DLGAP1: variants seen among roughly 807,000 people sequenced by gnomAD.
DLGAP1 encodes the protein disks large-associated protein 1.
In DLGAP1, 11 loss-of-function variants were observed where a neutral mutation model predicts 90.8. The observed-to-expected ratio is 0.12, with a 90% CI of 0.08 to 0.20. The LOEUF (loss-of-function observed/expected upper bound fraction) is 0.20. Among genes scored for constraint, DLGAP1 ranks in the 10% least tolerant of loss-of-function variants. DLGAP1 has a pLI of 1.00. For synonymous variants in DLGAP1, 558 were observed against 540.7 expected (o/e 1.03, Z -0.44); for missense variants, 1,050 against 1,333.8 (o/e 0.79, Z 3.31).
chr18:4,004,400 G>A (rs555492550), intron 3 of DLGAP1, among the ~76,000 whole-genome samples: 1 of 152,002 alleles, frequency 6.6e-6, no homozygotes, highest in African/African-American at 2.4e-5. Flanking sequence ...TGCTCTCCGG[G>A]GAGTCCCTTC....
intron 5 of DLGAP1, among the ~76,000 whole-genome samples, chr18:3,748,885 G>C (rs1040565648): frequency 6.6e-6 from 1 of 152,060 alleles, no homozygotes; most frequent in African/African-American, 2.4e-5. Flanking sequence ...TTTATAATCC[G>C]TATAGAAATG....
chr18:3,968,123 G>T (rs1254348237), intron 3 of DLGAP1, among the ~76,000 whole-genome samples: 1 of 152,156 alleles, frequency 6.6e-6, no homozygotes, highest in Admixed American at 6.5e-5. Flanking sequence ...TTTTGATCAT[G>T]TTTAGATGAA....
chr18:4,254,381 A>G (rs559784125), intron 1 of DLGAP1, among the ~76,000 whole-genome samples: 10,663 of 152,258 alleles, frequency 0.07, 556 homozygotes, highest in African/African-American at 0.15. Flanking sequence ...GCCCAAAGAA[A>G]GTAAGTATCA....
At chr18:4,447,007 A>AAAAAT (rs2083683666) in intron 1 of DLGAP1, among the ~76,000 whole-genome samples, 1 of 152,362 alleles carries the variant, frequency 6.6e-6, no homozygotes, top group East Asian at 1.9e-4. Context: ...AAGATTGGCC[A>AAAAAT]AAAATAAAAT....
chr18:4,245,740 G>A (rs2078640705), intron 1 of DLGAP1, among the ~76,000 whole-genome samples: 1 of 152,174 alleles, frequency 6.6e-6, no homozygotes, highest in Non-Finnish European at 1.5e-5. Context: ...AGTAAGATTT[G>A]ATTTTTCTGC....
At chr18:4,177,954 C>T (rs1246574185) in intron 1 of DLGAP1, among the ~76,000 whole-genome samples, 1 of 151,858 alleles carries the variant, frequency 6.6e-6, no homozygotes, top group Non-Finnish European at 1.5e-5. Flanking sequence ...TTTATGGAGA[C>T]TAATTATTTT....
intron 1 of DLGAP1, among the ~76,000 whole-genome samples, chr18:4,446,135 T>C (rs2083660530): frequency 6.6e-6 from 1 of 152,026 alleles, no homozygotes; most frequent in Admixed American, 6.6e-5. Context: ...AAGAGATTAT[T>C]AGGAAATGAG....
At chr18:3,903,526 G>A (rs1042704208) in intron 3 of DLGAP1, among the ~76,000 whole-genome samples, 37 of 152,298 alleles carry the variant, frequency 2.4e-4, no homozygotes, top group African/African-American at 8.7e-4. Context: ...TGGGGAAAAT[G>A]GTCCTAGGGT....
At chr18:3,612,519 G>A (rs2057684959) in intron 7 of DLGAP1, among the ~76,000 whole-genome samples, 1 of 152,176 alleles carries the variant, frequency 6.6e-6, no homozygotes, top group Non-Finnish European at 1.5e-5. Flanking sequence ...GTGGTCAGAT[G>A]ATGCCATCCC....
intron 2 of DLGAP1, among the ~76,000 whole-genome samples, chr18:4,042,833 C>G (rs986286326): frequency 1.3e-5 from 2 of 152,148 alleles, no homozygotes; most frequent in Non-Finnish European, 2.9e-5. Context: ...TTAATAGTTT[C>G]CGTATTAAAA....
chr18:3,743,457 C>T (rs1331227907), intron 5 of DLGAP1, among the ~76,000 whole-genome samples: 1 of 151,812 alleles, frequency 6.6e-6, no homozygotes, highest in East Asian at 1.9e-4. Context: ...CGGGTTCATG[C>T]CATTCTCCTG....
At chr18:4,116,002 G>T (rs938860970) in intron 2 of DLGAP1, among the ~76,000 whole-genome samples, 5 of 151,862 alleles carry the variant, frequency 3.3e-5, no homozygotes, top group African/African-American at 1.2e-4. Flanking sequence ...TTCTTTTCTC[G>T]TGCAGATTCA....
At chr18:4,251,442 T>C (rs2078777193) in intron 1 of DLGAP1, among the ~76,000 whole-genome samples, 1 of 152,192 alleles carries the variant, frequency 6.6e-6, no homozygotes, top group Non-Finnish European at 1.5e-5. Flanking sequence ...TGCCTGTCTC[T>C]AGTAACCAAT....
chr18:3,885,818 A>T (rs2071297543), intron 3 of DLGAP1, among the ~76,000 whole-genome samples: 1 of 152,190 alleles, frequency 6.6e-6, no homozygotes, highest in Admixed American at 6.5e-5. Context: ...AGAGTGTGAG[A>T]TGCACAGTTT....
chr18:4,106,031 C>CAA (rs60176243), intron 2 of DLGAP1, among the ~76,000 whole-genome samples: 1,857 of 101,886 alleles, frequency 0.018, 169 homozygotes, highest in Middle Eastern at 0.04. Flanking sequence ...GGGTCCGTCT[C>CAA]AAAAAAAAAA....
At chr18:4,169,915 C>G (rs2076995249) in intron 1 of DLGAP1, among the ~76,000 whole-genome samples, 1 of 152,148 alleles carries the variant, frequency 6.6e-6, no homozygotes, top group Admixed American at 6.5e-5. Context: ...AGCTAAACTT[C>G]CAGAGTCTCA....
chr18:3,687,161 G>A lies in DLGAP1; in HGVS notation c.1591+41974C>T, dbSNP rs181344000. On this transcript the variant is annotated intron_variant, in intron 7 of 12. Transcript: ENST00000315677. ...TCTTAATTTTAGCCTGGTGAGACCT[G>A]TATCGGACTTCTGACATTTCAGAAT... 8.3e-4 allele frequency among the ~76,000 whole-genome samples: 127 copies of A among 152,338 alleles called. 1 individual carries two copies. The highest frequency in any genetic ancestry group is 1.0e-4 in the Non-Finnish European group (7 of 68,028).
intron 9 of DLGAP1, 79 bp from the exon 10 acceptor site, chr18:3,534,694 CTTT>C (rs570549234): frequency 3.3e-3 from 3,243 of 990,710 alleles, no homozygotes; most frequent in South Asian, 4.5e-3. Context: ...TCCTTTCTTT[CTTT>C]TTTTTTTTTT....
chr18:3,752,483 CATG>C (rs1246257648), intron 5 of DLGAP1, among the ~76,000 whole-genome samples: 1 of 151,726 alleles, frequency 6.6e-6, no homozygotes, highest in Admixed American at 6.6e-5. Context: ...TTTAACTTAG[CATG>C]ATATTTTCTT....
Sources: gnomAD v4.1 joint callset for allele counts (sites outside exome capture counted in the v4.1 genomes callset) on GRCh38, gnomAD v4.1.1 for gene constraint, MANE v1.5 for transcripts, NCBI Gene and HGNC (gene_info 2026-07-23, HGNC 2026-07-21) for gene names.